TRANK1: variants seen among roughly 807,000 people sequenced by gnomAD.
TRANK1 encodes TPR and ankyrin repeat-containing protein 1.
Under a neutral mutation model 266.0 loss-of-function variants are expected in TRANK1, and 198 were observed. The ratio of observed to expected loss-of-function variants is 0.74; its 90% CI spans 0.66 to 0.84. The LOEUF (loss-of-function observed/expected upper bound fraction) is 0.84, where lower values mean the gene tolerates loss of function less well. Among genes scored for constraint, TRANK1 ranks in the 40% least tolerant of loss-of-function variants. TRANK1 has a pLI of 0.00. For missense variants in TRANK1, 3,326 were observed against 3,634.6 expected, an observed-to-expected ratio of 0.92 and a Z score of 2.18; for synonymous variants, 1,396 against 1,384.1, an observed-to-expected ratio of 1.01 and a Z score of -0.19.
At chr3:36,862,590 G>C (rs1298721816) in intron 10 of TRANK1, among the ~76,000 whole-genome samples, 2 of 152,150 alleles carry the variant, frequency 1.3e-5, no homozygotes, top group East Asian at 1.9e-4. Context: ...ATGTGATTTG[G>C]ACCTAAGCCA....
Position 36,932,922 on chromosome 3 carries a change from T to C in TRANK1, c.23+11865A>G, listed in dbSNP as rs562669025. On this transcript the variant is annotated intron_variant, in intron 1 of 23. Transcript: ENST00000645898. Reference sequence around the variant, plus strand: ...GAATATATTCACAGAATCATATAAATAGAAAAAATGCAATAAAGTGTGGGA... The same window carrying C: ...GAATATATTCACAGAATCATATAAACAGAAAAAATGCAATAAAGTGTGGGA... Among the ~76,000 whole-genome samples, 9 of 152,328 alleles carry C rather than the reference T, an allele frequency of 5.9e-5. No individual in the cohort carries two copies. The South Asian group carries it at 1.7e-3, about 28-fold the overall frequency.
chr3:36,858,058 C>T lies in TRANK1; in HGVS notation c.1673-9G>A, dbSNP rs370386380. On this transcript the variant is annotated splice_polypyrimidine_tract_variant and intron_variant, in intron 12 of 23. Coordinates refer to ENST00000645898, the MANE Select transcript of TRANK1 (RefSeq NM_001329998.2). ...GCTAAAACCAATGTCAGCTGAAAGACACAAACAAAACCCTGTGAGCACTGA... is the reference window on the plus strand; with the variant it reads ...GCTAAAACCAATGTCAGCTGAAAGATACAAACAAAACCCTGTGAGCACTGA... The T allele has an allele frequency of 3.4e-5, 51 of 1,522,228 alleles. No homozygotes were observed. In the African/African-American group the frequency reaches 6.4e-4, roughly 19 times the overall value. The allele number at this position is 1,522,228 out of a possible 1,614,324, so 94.3% of individuals were successfully genotyped here. A position where few individuals can be genotyped will look rare whatever the true frequency, so the allele number is the denominator to read the frequency against.
At chr3:36,921,300 C>G (rs576659827) in intron 1 of TRANK1, among the ~76,000 whole-genome samples, 1 of 152,166 alleles carries the variant, frequency 6.6e-6, no homozygotes, top group Admixed American at 6.6e-5. Context: ...AATAAGAATC[C>G]CTTCCCCTCC....
chr3:36,918,552 A>AAGGT (rs2080165423), intron 1 of TRANK1, among the ~76,000 whole-genome samples: 7 of 50,284 alleles, frequency 1.4e-4, no homozygotes, highest in Admixed American at 2.2e-4. Flanking sequence ...GGAAGGAAGG[A>AAGGT]AGGAAGGAAG....
intron 1 of TRANK1, among the ~76,000 whole-genome samples, chr3:36,922,311 A>G (rs918379919): frequency 5.7e-4 from 87 of 152,364 alleles, no homozygotes; most frequent in African/African-American, 2.1e-3. Context: ...ATTAAATACA[A>G]TTAAAGGTTC....
intron 1 of TRANK1, among the ~76,000 whole-genome samples, chr3:36,927,293 A>C (rs1257217059): frequency 6.6e-6 from 1 of 152,244 alleles, no homozygotes; most frequent in Non-Finnish European, 1.5e-5. Flanking sequence ...CTGCTCTGTC[A>C]GTGGAGGAAT....
intron 8 of TRANK1, among the ~76,000 whole-genome samples, chr3:36,888,432 G>C (rs1281619035): frequency 6.6e-6 from 1 of 152,178 alleles, no homozygotes; most frequent in African/African-American, 2.4e-5. Flanking sequence ...ACTCTGAATA[G>C]ATCAAAAAGC....
chr3:36,850,796 C>T (rs1575200523), intron 15 of TRANK1: 1 of 985,330 alleles, frequency 1.0e-6, no homozygotes, highest in Non-Finnish European at 1.2e-6. Context: ...AAAGGAAGGA[C>T]TCTATCTAAA....
At chr3:36,849,037 C>T (rs1375159994) in intron 15 of TRANK1, among the ~76,000 whole-genome samples, 2 of 152,130 alleles carry the variant, frequency 1.3e-5, no homozygotes, top group Non-Finnish European at 2.9e-5. Flanking sequence ...AGCAAGGATA[C>T]AGGCCTACAG....
In TRANK1 at chr3:36,832,257, T is replaced by G; in HGVS notation, c.7326A>C (p.Lys2442Asn). 3 of 1,614,018 alleles carry G rather than the reference T, an allele frequency of 1.9e-6. No homozygotes were observed. The highest frequency in any genetic ancestry group is 2.5e-6 in the Non-Finnish European group (3 of 1,179,902). ...RFMNVLIKRC[K>N]EPLIPSIGNT... ...TTCCAATGCTGGGGATGAGTGGTTCTTTGCACCTCTTGATGAGGACATTCA... is the reference window on the plus strand; with the variant it reads ...TTCCAATGCTGGGGATGAGTGGTTCGTTGCACCTCTTGATGAGGACATTCA... The change falls in exon 22 of 24, where the codon AAA becomes AAC. Residue 2442 changes from lysine (K) to asparagine (N), a missense_variant. Physicochemically the swap from Lys to Asn is moderately conservative, Grantham distance 94. Coordinates refer to ENST00000645898, the MANE Select transcript of TRANK1 (RefSeq NM_001329998.2).
rs77342456 is a variant in TRANK1 at position 36,928,010 on chromosome 3, G to A, written c.23+16777C>T. ...TCTGTGGTGCATTTTGATATAGAAT[G>A]TGGGGTCACAGGTTGTGATGAGCAA... On this transcript the variant is annotated intron_variant, in intron 1 of 23. Transcript: ENST00000645898. Among the ~76,000 whole-genome samples, 63 of 152,338 alleles carry A rather than the reference G, an allele frequency of 4.1e-4. No individual in the cohort carries two copies. The East Asian group carries it at 0.012, about 28-fold the overall frequency.
chr3:36,837,468 A>T (rs1397016297), intron 20 of TRANK1, among the ~76,000 whole-genome samples: 1 of 152,160 alleles, frequency 6.6e-6, no homozygotes, highest in Non-Finnish European at 1.5e-5. Flanking sequence ...CATATTTCAC[A>T]TACAGACAAG....
At chr3:36,829,457 T>A in intron 23 of TRANK1, 107 bp downstream of exon 23, 2 of 1,001,912 alleles carry the variant, frequency 2.0e-6, no homozygotes, top group Non-Finnish European at 3.1e-6. Context: ...GAGAGTCCAC[T>A]ATTGACATCA....
Position 36,830,844 on chromosome 3 carries a change from C to T in TRANK1, c.8710+29G>A, listed in dbSNP as rs747360219. On this transcript the variant is annotated intron_variant, in intron 22 of 23. Coordinates refer to ENST00000645898, the MANE Select transcript of TRANK1 (RefSeq NM_001329998.2). ...TCCTCAGAGCCCAGGTCTCACTCTG[C>T]CTGGGCCCCCATCTCTGCAGACCCT... 9.0e-6 allele frequency: 14 copies of T among 1,554,702 alleles called. No individual in the cohort carries two copies. The African/African-American group carries it at 1.6e-4, about 18-fold the overall frequency.
chr3:36,846,497 C>T (rs2098514648), intron 16 of TRANK1, 93 bp from the exon 17 acceptor site: 7 of 1,318,234 alleles, frequency 5.3e-6, no homozygotes, highest in Middle Eastern at 3.9e-4. Context: ...TTTGGAAAAA[C>T]ACAAAAACTA....
Position 36,880,065 on chromosome 3 carries a change from TAAACATGC to T in TRANK1, c.908-5777_908-5770del, listed in dbSNP as rs1327726362. On this transcript the variant is annotated intron_variant, in intron 8 of 23. Transcript: ENST00000645898. The stretch of plus-strand genomic sequence containing the variant: ...ATATATGTAAACATACAAATATATG[TAAACATGC>T]AAATATATATAAACATATATAAATA... 29 of 96,622 alleles carry T rather than the reference TAAACATGC, an allele frequency of 3.0e-4. 7 individuals are homozygous for T. The highest frequency in any genetic ancestry group is 1.1e-4 in the Non-Finnish European group (5 of 46,424). The allele number at this position is 96,622 out of a possible 1,614,324, so 6.0% of individuals were successfully genotyped here.
chr3:36,893,101 T>G, intron 5 of TRANK1, 117 bp from the exon 6 acceptor site: 1 of 381,972 alleles, frequency 2.6e-6, no homozygotes, highest in Non-Finnish European at 4.2e-6. Context: ...CTCTCTAGCC[T>G]TGTCTTTTTT....
In TRANK1 at chr3:36,834,912, G is replaced by C; in HGVS notation, c.5518-5C>G. ...GAAATAGGCAGCATCTCTTATCTAG[G>C]ATGGAGTAAATTTTACTTTTATTTA... On this transcript the variant is annotated splice_polypyrimidine_tract_variant and splice_region_variant and intron_variant, in intron 20 of 23. Transcript: ENST00000645898. 6.3e-7 allele frequency: 1 copy of C among 1,596,208 alleles called. No individual in the cohort carries two copies. The highest frequency in any genetic ancestry group is 2.2e-5 in the East Asian group (1 of 44,538).
intron 9 of TRANK1, among the ~76,000 whole-genome samples, chr3:36,866,298 A>C (rs1299717640): frequency 1.3e-5 from 2 of 152,254 alleles, no homozygotes; most frequent in East Asian, 3.8e-4. Flanking sequence ...AAATGAATGA[A>C]TGTTCAATGT....
Sources: allele counts gnomAD v4.1 joint callset (sites outside exome capture counted in the v4.1 genomes callset), GRCh38; gene constraint gnomAD v4.1.1; transcripts MANE v1.5; gene names NCBI Gene and HGNC (gene_info 2026-07-23, HGNC 2026-07-21).